The following AP1G1 variants were observed in gnomAD, a reference collection of about 807,000 sequenced individuals.
The protein encoded by AP1G1 is AP-1 complex subunit gamma-1.
A neutral mutation model predicts 108.3 loss-of-function variants in AP1G1; 7 were observed. The observed-to-expected ratio is 0.06, with a 90% CI of 0.04 to 0.12. The LOEUF (loss-of-function observed/expected upper bound fraction) is 0.12. AP1G1 is among the 10% of genes least tolerant of loss of function. The probability of loss-of-function intolerance (pLI) is 1.00; values close to 1 mark genes in which losing one functional copy is unlikely to be tolerated. For synonymous variants in AP1G1, 379 were observed against 353.5 expected (o/e 1.07, Z -0.81); for missense variants, 756 against 1,010.7 (o/e 0.75, Z 3.42).
chr16:71,757,630 G>A (rs1042623740), intron 11 of AP1G1, among the ~76,000 whole-genome samples: 1 of 152,122 alleles, frequency 6.6e-6, no homozygotes, highest in Non-Finnish European at 1.5e-5. Flanking sequence ...TTTTACTTAT[G>A]AGGCAATTGA....
In AP1G1 at chr16:71,748,328, A is replaced by G. The variant is rs2030292830; in HGVS notation, c.1548T>C (p.Asn516=). The G allele has an allele frequency of 1.2e-6, 2 of 1,613,738 alleles. No homozygotes were observed. Among genetic ancestry groups the G allele is most frequent in the East Asian group, 2.2e-5 (1 of 44,878 alleles). ...LDILESVLIS[N]MSTSVTRGYA... is the part of the protein sequence containing the mutation. ...AACCTCGTGTCACAGAGGTGGACATATTAGAGATTAGGACACTTTCTAAAA... is the reference window on the plus strand; with the variant it reads ...AACCTCGTGTCACAGAGGTGGACATGTTAGAGATTAGGACACTTTCTAAAA... The change falls in exon 16 of 23, where the codon AAT becomes AAC. Residue 516 remains asparagine (N), a synonymous_variant. Transcript: ENST00000299980.
intron 2 of AP1G1, among the ~76,000 whole-genome samples, chr16:71,787,660 T>C (rs940607720): frequency 1.3e-5 from 2 of 152,148 alleles, no homozygotes; most frequent in Non-Finnish European, 2.9e-5. Context: ...ACCTAATACT[T>C]AAAATCAATC....
intron 2 of AP1G1, among the ~76,000 whole-genome samples, chr16:71,784,635 T>G (rs1299661688): frequency 6.6e-6 from 1 of 152,134 alleles, no homozygotes; most frequent in Non-Finnish European, 1.5e-5. Flanking sequence ...CTCGGCTCAC[T>G]GCAACCTCCA....
chr16:71,808,211 TACAC>T (rs1243866569), intron 1 of AP1G1: 17 of 294,842 alleles, frequency 5.8e-5, no homozygotes, highest in Non-Finnish European at 8.3e-5. Flanking sequence ...CAACAACATA[TACAC>T]ACACACACGA....
chr16:71,793,561 G>C (rs2032478604), intron 1 of AP1G1, among the ~76,000 whole-genome samples: 1 of 152,180 alleles, frequency 6.6e-6, no homozygotes, highest in Admixed American at 6.5e-5. Flanking sequence ...ATATACAGCA[G>C]AAACAAGCAT....
chr16:71,733,528 A>AGAAGC (rs2045496092), intron 22 of AP1G1, among the ~76,000 whole-genome samples: 1 of 5,188 alleles, frequency 1.9e-4, no homozygotes, highest in African/African-American at 7.6e-4. Flanking sequence ...GCCACACCAG[A>AGAAGC]CTAATATTTT....
At chr16:71,791,116 G>A (rs1239619673) in intron 1 of AP1G1, among the ~76,000 whole-genome samples, 7 of 151,706 alleles carry the variant, frequency 4.6e-5, no homozygotes, top group African/African-American at 1.7e-4. Flanking sequence ...AGCTACTTGG[G>A]ATACTGAGGG....
intron 6 of AP1G1, chr16:71,766,423 TA>T: frequency 2.1e-6 from 1 of 469,728 alleles, no homozygotes; most frequent in Non-Finnish European, 4.4e-6. Flanking sequence ...GAAGATGTTT[TA>T]AATATTGGCA....
intron 2 of AP1G1, among the ~76,000 whole-genome samples, chr16:71,786,513 T>G (rs2032207501): frequency 6.6e-6 from 1 of 151,752 alleles, no homozygotes; most frequent in African/African-American, 2.4e-5. Flanking sequence ...CAGGCTGGAG[T>G]ACAGTGGCAC....
At chr16:71,748,108 G>A in intron 16 of AP1G1, 143 bp downstream of exon 16, 1 of 846,008 alleles carries the variant, frequency 1.2e-6, no homozygotes, top group Non-Finnish European at 1.8e-6. Context: ...TGACTGTGGA[G>A]AAATAAGTAA....
chr16:71,769,151 C>T (rs544816347), intron 6 of AP1G1, among the ~76,000 whole-genome samples: 8 of 151,482 alleles, frequency 5.3e-5, no homozygotes, highest in South Asian at 2.1e-4. Context: ...GGCATGGTGG[C>T]GCGCACCTGT....
At chr16:71,770,210 T>C (rs1333846065) in intron 5 of AP1G1, among the ~76,000 whole-genome samples, 1 of 152,194 alleles carries the variant, frequency 6.6e-6, no homozygotes, top group Non-Finnish European at 1.5e-5. Flanking sequence ...AAATAATAAA[T>C]ACGTGCTCCA....
chr16:71,808,053 C>T, intron 1 of AP1G1: 2 of 1,181,876 alleles, frequency 1.7e-6, no homozygotes, highest in Admixed American at 3.8e-5. Flanking sequence ...ACACCGAGTC[C>T]TAACCGGGAA....
In AP1G1 at chr16:71,759,503, AT is replaced by A. The variant is rs1243722779; in HGVS notation, c.975-583del. Among the ~76,000 whole-genome samples, 4 of 148,062 alleles carry A rather than the reference AT, an allele frequency of 2.7e-5. No homozygotes were observed. In the East Asian group the frequency reaches 8.1e-4, roughly 30 times the overall value. On this transcript the variant is annotated intron_variant, in intron 10 of 22. Coordinates refer to ENST00000299980, the MANE Select transcript of AP1G1 (RefSeq NM_001128.6). ...GGACTGGGCGCGGTGGCTCATGCCT[AT>A]AATCCCAGCACTTTGGGAGGCCCAG...
rs190137570 is a variant in AP1G1, at chr16:71,759,897, C to T, written c.975-976G>A. Among the ~76,000 whole-genome samples, 50 of 151,972 alleles carry T rather than the reference C, an allele frequency of 3.3e-4. No homozygotes were observed. The East Asian group carries it at 8.7e-3, about 26-fold the overall frequency. ...ATATGTCTTTTAAGGCTGCCTTTCC[C>T]CCAAAATGCAATTTTACTTTTAACA... On this transcript the variant is annotated intron_variant, in intron 10 of 22. Coordinates refer to ENST00000299980, the MANE Select transcript of AP1G1 (RefSeq NM_001128.6).
chr16:71,791,188 C>G (rs966046778), intron 1 of AP1G1, among the ~76,000 whole-genome samples: 1 of 150,872 alleles, frequency 6.6e-6, no homozygotes, highest in Non-Finnish European at 1.5e-5. Context: ...CCACTGCAAT[C>G]CAGCCTGGGC....
rs528090961 is a variant in AP1G1, at chr16:71,773,338, G to C, written c.351C>G (p.Phe117Leu). The C allele has an allele frequency of 6.4e-7, 1 of 1,551,196 alleles. No homozygotes were observed. Among genetic ancestry groups the C allele is most frequent in the Non-Finnish European group, 8.6e-7 (1 of 1,156,702 alleles). Residue 117 changes from phenylalanine (F) to leucine (L), a missense_variant, in exon 4 of 23, where the codon TTC becomes TTG. By Grantham distance (22) the Phe-to-Leu change is conservative. Coordinates refer to ENST00000299980, the MANE Select transcript of AP1G1 (RefSeq NM_001128.6). ...IKNDLNHSTQ[F>L]VQGLALCTLG... is the part of the protein sequence containing the mutation. ...GGGTACAAAGTGCTAACCCCTGTAC[G>C]AATTGCGTGCTATGATTAAGATCAC...
At chr16:71,792,146 G>A (rs765083867) in intron 1 of AP1G1, among the ~76,000 whole-genome samples, 3 of 152,114 alleles carry the variant, frequency 2.0e-5, no homozygotes, top group Non-Finnish European at 1.5e-5. Flanking sequence ...AACTAGAGAC[G>A]TGAACTATGG....
intron 2 of AP1G1, among the ~76,000 whole-genome samples, chr16:71,781,243 T>C (rs2032002534): frequency 1.3e-5 from 2 of 152,226 alleles, no homozygotes; most frequent in African/African-American, 2.4e-5. Flanking sequence ...ACATAAAATC[T>C]ATATAGACCA....
Sources: gnomAD v4.1 joint callset for allele counts (sites outside exome capture counted in the v4.1 genomes callset) on GRCh38, gnomAD v4.1.1 for gene constraint, MANE v1.5 for transcripts, NCBI Gene and HGNC (gene_info 2026-07-23, HGNC 2026-07-21) for gene names.